The following PPM1F variants were observed in gnomAD, a reference collection of about 807,000 sequenced individuals.
The protein encoded by PPM1F is protein phosphatase, Mg2+/Mn2+ dependent 1F.
Under a neutral mutation model 35.5 loss-of-function variants are expected in PPM1F, and 17 were observed. That is an observed-to-expected ratio of 0.48 (90% CI 0.33 to 0.72). PPM1F has a LOEUF of 0.72. PPM1F is among the 30% of genes least tolerant of loss of function. The pLI is 0.02. For missense variants in PPM1F, 521 were observed against 613.0 expected, an observed-to-expected ratio of 0.85 and a Z score of 1.59; for synonymous variants, 241 against 255.5, an observed-to-expected ratio of 0.94 and a Z score of 0.54.
At chr22:21,945,526 C>T in intron 2 of PPM1F, 1 of 357,458 alleles carries the variant, frequency 2.8e-6, no homozygotes, top group South Asian at 3.4e-5. Context: ...CCAAGGACCT[C>T]CAGGAAGTCA....
chr22:21,949,251 G>T (rs906227598), intron 1 of PPM1F: 2 of 152,242 alleles, frequency 1.3e-5, no homozygotes, highest in African/African-American at 4.8e-5. Flanking sequence ...GGTGCCCAGG[G>T]CCATCTTACT....
chr22:21,949,766 A>G (rs11913958), intron 1 of PPM1F: 4,879 of 152,516 alleles, frequency 0.032, 99 homozygotes, highest in Non-Finnish European at 0.048. Flanking sequence ...GCCTGCCTGG[A>G]CCAGTCTGAC....
In PPM1F at chr22:21,931,138, A is replaced by C. The variant is rs1446479495; in HGVS notation, c.891+10T>G. 1.2e-6 allele frequency: 2 copies of C among 1,613,728 alleles called. No individual in the cohort carries two copies. Among genetic ancestry groups the C allele is most frequent in the Non-Finnish European group, 1.7e-6 (2 of 1,179,860 alleles). On this transcript the variant is annotated intron_variant, in intron 6 of 7. Transcript: ENST00000263212. ...GAATATCCTGGGCCTGGGCGCAGGG[A>C]TCCCCTTACCTGCCGTTCTGGTCTG...
At chr22:21,924,425 G>A (rs929565472) in intron 7 of PPM1F, among the ~76,000 whole-genome samples, 10 of 152,066 alleles carry the variant, frequency 6.6e-5, no homozygotes, top group African/African-American at 2.2e-4. Flanking sequence ...GCACCACCAC[G>A]CCCGGCTAAT....
rs760336731 is a variant in PPM1F at position 21,934,125 on chromosome 22, G to C, written c.457C>G (p.Arg153Gly). ...GCGTGGATGGAGACCAGCCACTGCC[G>C]CTGTGAGGCCCGGGCAGCCAATGGC... is the stretch of plus-strand genomic sequence containing the variant. ...QVPLAARASQ[R>G]QWLVSIHAIR... The change falls in exon 4 of 8, where the codon CGG becomes GGG. Residue 153 changes from arginine (R) to glycine (G), a missense_variant. Physicochemically the swap from Arg to Gly is moderately radical, Grantham distance 125. This residue lies in a region of PPM1F where 311 missense variants were observed against 351.5 expected (regional missense o/e 0.88). Coordinates refer to ENST00000263212, the MANE Select transcript of PPM1F (RefSeq NM_014634.4). The C allele has an allele frequency of 6.4e-7, 1 of 1,569,574 alleles. No homozygotes were observed. Among genetic ancestry groups the C allele is most frequent in the Admixed American group, 1.9e-5 (1 of 53,156 alleles).
At position 21,939,716 on chromosome 22, in the gene PPM1F, C is replaced by T. The variant is rs973625631; in HGVS notation, c.207-36G>A. ...GGAGGGGGAAGTGAGGGGCAGCCCC[C>T]AGCAGGAGACCACACCTAGCCCCCC... On this transcript the variant is annotated intron_variant, in intron 2 of 7. Coordinates refer to ENST00000263212, the MANE Select transcript of PPM1F (RefSeq NM_014634.4). This position sits in a 1 kb window ranked among gnomAD's most constrained non-coding sequence, Gnocchi z 5.1. The T allele has an allele frequency of 1.9e-5, 29 of 1,550,030 alleles. No homozygotes were observed. Among genetic ancestry groups the T allele is most frequent in the Non-Finnish European group, 2.2e-5 (25 of 1,146,286 alleles).
intron 7 of PPM1F, among the ~76,000 whole-genome samples, chr22:21,924,344 C>A (rs964512016): frequency 6.6e-6 from 1 of 151,600 alleles, no homozygotes; most frequent in African/African-American, 2.4e-5. Flanking sequence ...CTTGGCTCAC[C>A]GCAACCTCCA....
At chr22:21,938,272 C>A in intron 3 of PPM1F, 1 of 1,281,104 alleles carries the variant, frequency 7.8e-7, no homozygotes, top group South Asian at 1.3e-5. Context: ...TGGGCGGTGG[C>A]GGCGCCCCCT....
intron 7 of PPM1F, chr22:21,925,243 GGGA>G: frequency 2.5e-6 from 1 of 405,686 alleles, no homozygotes; most frequent in Non-Finnish European, 4.3e-6. Flanking sequence ...GCATGAACGC[GGGA>G]GGAGGATAAA....
At chr22:21,938,366 C>G in intron 3 of PPM1F, 4 of 1,176,776 alleles carry the variant, frequency 3.4e-6, no homozygotes, top group Non-Finnish European at 4.3e-6. Flanking sequence ...CCGCCTGTCA[C>G]TGTGGACAGC....
intron 6 of PPM1F, among the ~76,000 whole-genome samples, chr22:21,930,525 TGACGTA>T (rs1230501999): frequency 6.6e-6 from 1 of 152,224 alleles, no homozygotes; most frequent in Non-Finnish European, 1.5e-5. Flanking sequence ...TCCTATGTGC[TGACGTA>T]GAATTATCCA....
Position 21,925,648 on chromosome 22 carries a change from G to A in PPM1F, c.906C>T (p.Arg302=). The A allele has an allele frequency of 6.3e-7, 1 of 1,591,270 alleles. No individual in the cohort carries two copies. The highest frequency in any genetic ancestry group is 8.6e-7 in the Non-Finnish European group (1 of 1,164,390). The change falls in exon 7 of 8, where the codon CGC becomes CGT. Residue 302 remains arginine (R), a synonymous_variant. Coordinates refer to ENST00000263212, the MANE Select transcript of PPM1F (RefSeq NM_014634.4). ...ACACAAAGCCACCCAATGCTTCAAT[G>A]CGCGCCTTCTCATCCTGCAGAAACA... The part of the protein sequence containing the change: ...HRPERQDEKA[R]IEALGGFVSH...
Position 21,939,135 on chromosome 22 carries a change from C to T in PPM1F, c.355+397G>A, listed in dbSNP as rs889382591. 4.1e-5 allele frequency: 7 copies of T among 171,578 alleles called. No individual in the cohort carries two copies. The highest frequency in any genetic ancestry group is 1.2e-4 in the Admixed American group (2 of 16,922). 10.6% of individuals were successfully genotyped at this position (171,578 alleles called of 1,614,324 possible). A position where few individuals can be genotyped will look rare whatever the true frequency, so the allele number is the denominator to read the frequency against. On this transcript the variant is annotated intron_variant, in intron 3 of 7. Coordinates refer to ENST00000263212, the MANE Select transcript of PPM1F (RefSeq NM_014634.4). This position sits in a 1 kb window ranked among gnomAD's most constrained non-coding sequence, Gnocchi z 5.1. ...CTGGCCAACCCTGACTTCGCCTGCC[C>T]GGGCGCATGTTAACTGAGTTACAAC...
intron 3 of PPM1F, chr22:21,938,715 T>A: frequency 1.8e-6 from 1 of 548,620 alleles, no homozygotes; most frequent in Non-Finnish European, 2.3e-6. Flanking sequence ...GGGACGTTGC[T>A]ACCCCCTTGT....
At chr22:21,938,710 G>T in intron 3 of PPM1F, 1 of 597,458 alleles carries the variant, frequency 1.7e-6, no homozygotes, top group Non-Finnish European at 2.1e-6. Flanking sequence ...TGGGTGGGAC[G>T]TTGCTACCCC....
At chr22:21,935,856 G>C (rs1173183195) in intron 3 of PPM1F, 1 of 152,192 alleles carries the variant, frequency 6.6e-6, no homozygotes, top group Non-Finnish European at 1.5e-5. Context: ...AATTAGCTGG[G>C]CGTGCTGGCA....
chr22:21,943,388 T>TA (rs2070745369), intron 2 of PPM1F: 2 of 152,212 alleles, frequency 1.3e-5, no homozygotes, highest in South Asian at 4.1e-4. Flanking sequence ...AAAAATAACT[T>TA]AAAAAATAAA....
In PPM1F at chr22:21,939,426, GC is replaced by G; in HGVS notation, c.355+105del. The stretch of plus-strand genomic sequence containing the variant: ...GATTCTGCTGCCGTTGTGAGCGAGG[GC>G]CCCAGCACCCTTAGGGACCCCAATC... On this transcript the variant is annotated intron_variant, in intron 3 of 7. Coordinates refer to ENST00000263212, the MANE Select transcript of PPM1F (RefSeq NM_014634.4). This position sits in a 1 kb window ranked among gnomAD's most constrained non-coding sequence, Gnocchi z 5.1. The G allele has an allele frequency of 2.8e-6, 4 of 1,439,114 alleles. No homozygotes were observed. Among genetic ancestry groups the G allele is most frequent in the African/African-American group, 1.4e-5 (1 of 70,474 alleles). 89.1% of individuals were successfully genotyped at this position (1,439,114 alleles called of 1,614,324 possible).
In PPM1F at chr22:21,945,825, G is replaced by A; in HGVS notation, c.206+18C>T. On this transcript the variant is annotated intron_variant, in intron 2 of 7. Coordinates refer to ENST00000263212, the MANE Select transcript of PPM1F (RefSeq NM_014634.4). The stretch of plus-strand genomic sequence containing the variant: ...CGTGCCCTTACTCCCCGTCCCCTTT[G>A]GGGGTGCACAGGCCTACCTGCTGCC... 1 of 1,604,150 alleles carries A rather than the reference G, an allele frequency of 6.2e-7. No individual in the cohort carries two copies. Among genetic ancestry groups the A allele is most frequent in the African/African-American group, 1.3e-5 (1 of 74,958 alleles).
Sources: allele counts gnomAD v4.1 joint callset (sites outside exome capture counted in the v4.1 genomes callset), GRCh38; gene constraint gnomAD v4.1.1; regional missense constraint gnomAD v4.1.1; non-coding constraint Gnocchi (gnomAD v3.1); transcripts MANE v1.5; gene names NCBI Gene and HGNC (gene_info 2026-07-23, HGNC 2026-07-21).